The following SLC17A5 variants were observed in gnomAD, a reference collection of about 807,000 sequenced individuals.
The protein encoded by SLC17A5 is solute carrier family 17 member 5, also known as sialin.
Under a neutral mutation model 59.4 loss-of-function variants are expected in SLC17A5, and 47 were observed. The ratio of observed to expected loss-of-function variants is 0.79; its 90% CI spans 0.63 to 1.01. The LOEUF is 1.01. SLC17A5 is among the 50% of genes least tolerant of loss of function. SLC17A5 has a pLI of 0.00. For missense variants in SLC17A5, 522 were observed against 595.5 expected, an observed-to-expected ratio of 0.88 and a Z score of 1.28; for synonymous variants, 202 against 210.7, an observed-to-expected ratio of 0.96 and a Z score of 0.36.
rs611580 is a variant in SLC17A5 at position 73,622,013 on chromosome 6, G to C, written c.820-51C>G. On this transcript the variant is annotated intron_variant, in intron 6 of 10. Coordinates refer to ENST00000355773, the MANE Select transcript of SLC17A5 (RefSeq NM_012434.5). ...TAAACTACGGCTATGTTAATGCTTA[G>C]ATCTGTACCGTATCAGCTAAAACTC... 145,341 of 1,550,016 alleles carry C rather than the reference G, an allele frequency of 0.094. 10,215 individuals are homozygous for C. Among genetic ancestry groups the C allele is most frequent in the African/African-American group, 0.34 (25,328 of 73,736 alleles).
At chr6:73,649,882 G>C (rs1769765213) in intron 1 of SLC17A5, among the ~76,000 whole-genome samples, 1 of 152,190 alleles carries the variant, frequency 6.6e-6, no homozygotes, top group African/African-American at 2.4e-5. Flanking sequence ...GAGGTTCTCA[G>C]TGAAACACAG....
rs995822433 is a variant in SLC17A5 at position 73,622,920 on chromosome 6, G to A, written c.820-958C>T. 5.9e-5 allele frequency among the ~76,000 whole-genome samples: 9 copies of A among 152,074 alleles called. 1 individual carries two copies. The South Asian group carries it at 1.5e-3, about 25-fold the overall frequency. Reference sequence around the variant, plus strand: ...CTATTAATATTTAATAAATATGTTGGCCCTGGAGTATGTCAGGTGATTACA... The same window carrying A: ...CTATTAATATTTAATAAATATGTTGACCCTGGAGTATGTCAGGTGATTACA... On this transcript the variant is annotated intron_variant, in intron 6 of 10. Coordinates refer to ENST00000355773, the MANE Select transcript of SLC17A5 (RefSeq NM_012434.5).
chr6:73,616,958 A>G (rs1561990676), intron 7 of SLC17A5, among the ~76,000 whole-genome samples: 1 of 151,976 alleles, frequency 6.6e-6, no homozygotes. Context: ...GCGTCCAATC[A>G]TCAAGCATTG....
At chr6:73,616,106 G>C (rs1767846965) in intron 7 of SLC17A5, among the ~76,000 whole-genome samples, 1 of 152,050 alleles carries the variant, frequency 6.6e-6, no homozygotes. Flanking sequence ...GGCTGGTCTT[G>C]AACTTCTGAC....
At position 73,593,427 on chromosome 6, in the gene SLC17A5, T is replaced by G. The variant is rs1490571812; in HGVS notation, c.*1650A>C. The G allele has an allele frequency of 2.6e-5, 4 of 152,258 alleles. No individual in the cohort carries two copies. Among genetic ancestry groups the G allele is most frequent in the Admixed American group, 2.6e-4 (4 of 15,288 alleles). 9.4% of individuals were successfully genotyped at this position (152,258 alleles called of 1,614,324 possible). ...ATGATTTATAAAAGAAACATTGCCATAGCAATTTAAAGCTATTTACAAATT... is the reference window on the plus strand; with the variant it reads ...ATGATTTATAAAAGAAACATTGCCAGAGCAATTTAAAGCTATTTACAAATT... On this transcript the variant is annotated 3_prime_UTR_variant, in exon 11 of 11. Coordinates refer to ENST00000355773, the MANE Select transcript of SLC17A5 (RefSeq NM_012434.5).
chr6:73,629,984 T>A (rs1030265770), intron 6 of SLC17A5, among the ~76,000 whole-genome samples: 3 of 147,712 alleles, frequency 2.0e-5, no homozygotes, highest in Admixed American at 1.4e-4. Context: ...CAATGAAGAT[T>A]TTTATTTCTC....
intron 9 of SLC17A5, among the ~76,000 whole-genome samples, chr6:73,601,356 C>T (rs1468656336): frequency 6.8e-6 from 1 of 147,186 alleles, no homozygotes; most frequent in Admixed American, 6.7e-5. Flanking sequence ...GCAGCCACCC[C>T]GTCTGGGAAG....
chr6:73,637,526 T>C (rs1181884970), intron 4 of SLC17A5, among the ~76,000 whole-genome samples: 1 of 152,250 alleles, frequency 6.6e-6, no homozygotes, highest in African/African-American at 2.4e-5. Context: ...CATTTTTTCC[T>C]GTAGCCTGTA....
Position 73,641,789 on chromosome 6 carries a change from T to C in SLC17A5, c.427A>G (p.Ile143Val). Residue 143 changes from isoleucine (I) to valine (V), a missense_variant, in exon 3 of 11, where the codon ATC (isoleucine) becomes GTC (valine). Physicochemically the swap from Ile to Val is conservative, Grantham distance 29. Coordinates refer to ENST00000355773, the MANE Select transcript of SLC17A5 (RefSeq NM_012434.5). ...IGGKMLLGFG[I>V]LGTAVLTLFT... ...AGGGTGAGGACAGCAGTGCCAAGGA[T>C]CCCAAATCCTAGCAGCATTTTCCCC... The C allele has an allele frequency of 6.2e-7, 1 of 1,614,038 alleles. No individual in the cohort carries two copies. The highest frequency in any genetic ancestry group is 8.5e-7 in the Non-Finnish European group (1 of 1,180,010).
intron 8 of SLC17A5, 93 bp downstream of exon 8, chr6:73,615,222 A>T (rs910784310): frequency 7.1e-7 from 1 of 1,408,222 alleles, no homozygotes; most frequent in Non-Finnish European, 1.0e-6. Context: ...ACTGTGTGTA[A>T]AAGTGGGAAA....
intron 3 of SLC17A5, 112 bp from the exon 4 acceptor site, chr6:73,638,611 A>C (rs1769136768): frequency 2.4e-6 from 2 of 821,898 alleles, no homozygotes; most frequent in African/African-American, 3.4e-5. Context: ...GAATCAAACG[A>C]ATCAGGTTCC....
chr6:73,640,771 G>C (rs1323575758), intron 3 of SLC17A5, among the ~76,000 whole-genome samples: 4 of 151,892 alleles, frequency 2.6e-5, no homozygotes, highest in African/African-American at 9.7e-5. Flanking sequence ...AAGTGGGAAG[G>C]AAAAGAAAGA....
At chr6:73,617,428 G>A (rs1294976777) in intron 7 of SLC17A5, among the ~76,000 whole-genome samples, 5 of 152,324 alleles carry the variant, frequency 3.3e-5, no homozygotes, top group Admixed American at 2.6e-4. Flanking sequence ...TAGTAGGAAA[G>A]TAAAAAAGAA....
At chr6:73,599,072 C>T (rs1766945792) in intron 10 of SLC17A5, among the ~76,000 whole-genome samples, 1 of 151,344 alleles carries the variant, frequency 6.6e-6, no homozygotes, top group African/African-American at 2.4e-5. Context: ...GTTCCAGCTA[C>T]CTGGGAGGCT....
chr6:73,599,019 AC>A (rs1766943602), intron 10 of SLC17A5, among the ~76,000 whole-genome samples: 1 of 151,130 alleles, frequency 6.6e-6, no homozygotes, highest in South Asian at 2.1e-4. Flanking sequence ...ACACACACAA[AC>A]AAAAAACAAA....
rs372195490 is a variant in SLC17A5, at chr6:73,610,483, G to C, written c.1176C>G (p.Ala392=). 2 of 1,614,120 alleles carry C rather than the reference G, an allele frequency of 1.2e-6. No individual in the cohort carries two copies. The highest frequency in any genetic ancestry group is 1.7e-6 in the Non-Finnish European group (2 of 1,180,002). The change falls in exon 9 of 11, where the codon GCC becomes GCG. Residue 392 remains alanine (A), a synonymous_variant. Transcript: ENST00000355773. ...TTGTTGATATAGTTAGGAAAGCAAC[G>C]GCCAAAGAATAATCACAGCCAATGA... ...AGFIGCDYSL[A]VAFLTISTTL...
At chr6:73,600,500 C>A in intron 9 of SLC17A5, 59 bp from the exon 10 acceptor site, 188 of 1,041,994 alleles carry the variant, frequency 1.8e-4, no homozygotes, top group Non-Finnish European at 2.4e-4. Flanking sequence ...CAGCTTCATT[C>A]TTTCCTTCTT....
At chr6:73,602,666 T>G (rs1465913842) in intron 9 of SLC17A5, among the ~76,000 whole-genome samples, 1 of 151,642 alleles carries the variant, frequency 6.6e-6, no homozygotes, top group Non-Finnish European at 1.5e-5. Context: ...TCCCAGCTAC[T>G]CGGGAGGCTG....
intron 1 of SLC17A5, among the ~76,000 whole-genome samples, chr6:73,650,237 C>T (rs564851461): frequency 1.4e-4 from 21 of 149,944 alleles, no homozygotes; most frequent in Non-Finnish European, 2.4e-4. Context: ...AGGCCGGGCA[C>T]GGTGGCTCAC....
Sources: gnomAD v4.1 joint callset for allele counts (sites outside exome capture counted in the v4.1 genomes callset) on GRCh38, gnomAD v4.1.1 for gene constraint, MANE v1.5 for transcripts, NCBI Gene and HGNC (gene_info 2026-07-23, HGNC 2026-07-21) for gene names.